PTPRT: variants seen among roughly 807,000 people sequenced by gnomAD.
PTPRT encodes the protein receptor-type tyrosine-protein phosphatase T.
In PTPRT, 56 loss-of-function variants were observed where a neutral mutation model predicts 176.8. That is an observed-to-expected ratio of 0.32 (90% confidence interval 0.26 to 0.40). The LOEUF is 0.40. Among genes scored for constraint, PTPRT ranks in the 10% least tolerant of loss-of-function variants. The probability of loss-of-function intolerance (pLI) is 1.00; values close to 1 mark genes in which losing one functional copy is unlikely to be tolerated. For synonymous variants in PTPRT, 783 were observed against 739.0 expected, an observed-to-expected ratio of 1.06 and a Z score of -0.96; for missense variants, 1,540 against 1,908.2, an observed-to-expected ratio of 0.81 and a Z score of 3.60.
chr20:42,879,292 G>T (rs112063325), intron 2 of PTPRT, among the ~76,000 whole-genome samples: 1 of 152,144 alleles, frequency 6.6e-6, no homozygotes, highest in Non-Finnish European at 1.5e-5. Context: ...AAAAGCTCTA[G>T]AGAAGAACCC....
chr20:42,726,098 A>T (rs868577704), intron 6 of PTPRT, among the ~76,000 whole-genome samples: 13 of 132,050 alleles, frequency 9.8e-5, no homozygotes, highest in African/African-American at 2.3e-4. Context: ...TTATTATTAT[A>T]GACTGAGTTT....
chr20:42,969,031 C>T (rs1982467075), intron 1 of PTPRT: 1 of 152,162 alleles, frequency 6.6e-6, no homozygotes, highest in Non-Finnish European at 1.5e-5. Context: ...TCATCCGCTT[C>T]GGGCACCAGC....
rs56329932 is a variant in PTPRT, at chr20:42,169,743, A to AACACACACACACACACAC, written c.2492-8219_2492-8202dup. ...GATACCGTGAAAAGTACAATTTTCA[A>AACACACACACACACACAC]ACACACACACACACACACACACACA... On this transcript the variant is annotated intron_variant, in intron 16 of 30. Coordinates refer to ENST00000373187, the MANE Select transcript of PTPRT (RefSeq NM_007050.6). 2.5e-4 allele frequency among the ~76,000 whole-genome samples: 26 copies of AACACACACACACACACAC among 104,634 alleles called. 1 individual carries two copies. Among genetic ancestry groups the AACACACACACACACACAC allele is most frequent in the African/African-American group, 9.6e-4 (25 of 26,000 alleles). 68.6% of individuals were successfully genotyped at this position (104,634 alleles called of 152,430 possible).
At chr20:42,857,948 T>C (rs528751569) in intron 2 of PTPRT, among the ~76,000 whole-genome samples, 1 of 152,198 alleles carries the variant, frequency 6.6e-6, no homozygotes, top group Non-Finnish European at 1.5e-5. Context: ...TGTTTATGTT[T>C]ATCATCTATC....
intron 8 of PTPRT, among the ~76,000 whole-genome samples, chr20:42,463,316 T>C (rs1055551019): frequency 2.6e-5 from 4 of 152,184 alleles, no homozygotes; most frequent in African/African-American, 7.2e-5. Context: ...CTTTCCACAA[T>C]TTCATTTCTT....
Position 42,280,575 on chromosome 20 carries a change from G to A in PTPRT, c.2176+1914C>T, listed in dbSNP as rs555255793. Among the ~76,000 whole-genome samples the A allele has an allele frequency of 4.1e-4, 62 of 152,202 alleles. 1 individual carries two copies. The highest frequency in any genetic ancestry group is 1.1e-3 in the African/African-American group (45 of 41,536). ...CATGCATTCCTATCCTTTCACACAC[G>A]CTTACTTTACCTGCATACACACTCC... On this transcript the variant is annotated intron_variant, in intron 13 of 30. Transcript: ENST00000373187.
rs1283153456 is a variant in PTPRT at position 42,617,669 on chromosome 20, A to G, written c.1153+60197T>C. On this transcript the variant is annotated intron_variant, in intron 7 of 30. Transcript: ENST00000373187. ...AACTTCTTCCTGGTTTAGTCTTGGGAGGGTGTATGTGTTGAGGAGTTTATC... is the reference window on the plus strand; with the variant it reads ...AACTTCTTCCTGGTTTAGTCTTGGGGGGGTGTATGTGTTGAGGAGTTTATC... Among the ~76,000 whole-genome samples the G allele has an allele frequency of 2.2e-3, 307 of 138,594 alleles. 60 individuals carry two copies. Among genetic ancestry groups the G allele is most frequent in the African/African-American group, 9.2e-3 (294 of 31,884 alleles). The allele number at this position is 138,594 out of a possible 152,430, so 90.9% of individuals were successfully genotyped here. A position where few individuals can be genotyped will look rare whatever the true frequency, so the allele number is the denominator to read the frequency against.
intron 1 of PTPRT, among the ~76,000 whole-genome samples, chr20:42,907,052 T>C (rs1470434205): frequency 6.6e-6 from 1 of 151,896 alleles, no homozygotes; most frequent in Non-Finnish European, 1.5e-5. Context: ...ACCTACTACC[T>C]ACAGTCAGAA....
intron 9 of PTPRT, among the ~76,000 whole-genome samples, chr20:42,438,570 A>G (rs1179470497): frequency 6.6e-6 from 1 of 152,194 alleles, no homozygotes; most frequent in East Asian, 1.9e-4. Flanking sequence ...CATGCCACCA[A>G]ACATACAATT....
intron 9 of PTPRT, among the ~76,000 whole-genome samples, chr20:42,445,354 T>A (rs2059353364): frequency 6.6e-6 from 1 of 152,212 alleles, no homozygotes; most frequent in Non-Finnish European, 1.5e-5. Context: ...AAGGCCATTT[T>A]ATTATTACCT....
intron 9 of PTPRT, among the ~76,000 whole-genome samples, chr20:42,368,240 C>T (rs1230235396): frequency 6.6e-6 from 1 of 152,142 alleles, no homozygotes; most frequent in African/African-American, 2.4e-5. Flanking sequence ...AAAATGAACA[C>T]AAATTCAGGG....
At chr20:42,523,136 G>T (rs758523750) in intron 7 of PTPRT, among the ~76,000 whole-genome samples, 1 of 152,134 alleles carries the variant, frequency 6.6e-6, no homozygotes, top group Admixed American at 6.5e-5. Flanking sequence ...AAAATTGCAA[G>T]ATCCTTCACA....
intron 1 of PTPRT, among the ~76,000 whole-genome samples, chr20:43,169,429 C>T (rs1376841059): frequency 6.6e-6 from 1 of 152,128 alleles, no homozygotes; most frequent in Admixed American, 6.5e-5. Context: ...GCCCTCATAC[C>T]TAGCAGCTGC....
At chr20:42,463,233 G>T (rs548598778) in intron 8 of PTPRT, among the ~76,000 whole-genome samples, 1 of 151,670 alleles carries the variant, frequency 6.6e-6, no homozygotes, top group Admixed American at 6.6e-5. Context: ...TCCTTTTTTT[G>T]TCTTATCTTC....
intron 12 of PTPRT, among the ~76,000 whole-genome samples, chr20:42,296,612 T>C (rs557293388): frequency 1.2e-4 from 18 of 152,250 alleles, no homozygotes; most frequent in African/African-American, 4.3e-4. Context: ...TAAAAATATA[T>C]GGCAGAGTTG....
intron 7 of PTPRT, among the ~76,000 whole-genome samples, chr20:42,619,761 G>A (rs1317327574): frequency 7.6e-6 from 1 of 132,428 alleles, no homozygotes; most frequent in East Asian, 2.0e-4. Flanking sequence ...CATTCTTCAC[G>A]TAGTTCTCGA....
intron 7 of PTPRT, among the ~76,000 whole-genome samples, chr20:42,512,247 A>G (rs2145460067): frequency 6.6e-6 from 1 of 152,314 alleles, no homozygotes; most frequent in South Asian, 2.1e-4. Flanking sequence ...CATCATTCCA[A>G]AAAACTTCCT....
intron 6 of PTPRT, among the ~76,000 whole-genome samples, chr20:42,748,917 T>C (rs1180462298): frequency 6.6e-6 from 1 of 152,134 alleles, no homozygotes; most frequent in Admixed American, 6.5e-5. Context: ...ATGTACCCTT[T>C]ATTCGCTGCC....
In PTPRT at chr20:43,071,340, G is replaced by A. The variant is rs375948876; in HGVS notation, c.88+118306C>T. The stretch of plus-strand genomic sequence containing the variant: ...TTTCTGGATTGGAAACTCTGGGGAT[G>A]GGGCCCAGCCATTTGTGGTTGAACA... On this transcript the variant is annotated intron_variant, in intron 1 of 30. Coordinates refer to ENST00000373187, the MANE Select transcript of PTPRT (RefSeq NM_007050.6). Among the ~76,000 whole-genome samples, 300 of 152,326 alleles carry A rather than the reference G, an allele frequency of 2.0e-3. 3 individuals are homozygous for A. Among genetic ancestry groups the A allele is most frequent in the African/African-American group, 6.9e-3 (288 of 41,568 alleles).
Sources: gnomAD v4.1 joint callset for allele counts (sites outside exome capture counted in the v4.1 genomes callset) on GRCh38, gnomAD v4.1.1 for gene constraint, MANE v1.5 for transcripts, NCBI Gene and HGNC (gene_info 2026-07-23, HGNC 2026-07-21) for gene names.